PARD3B: variants seen among roughly 807,000 people sequenced by gnomAD.
PARD3B encodes partitioning defective 3 homolog B.
In PARD3B, 103 loss-of-function variants were observed where a neutral mutation model predicts 130.2. The observed-to-expected ratio is 0.79, with a 90% CI of 0.67 to 0.93. The LOEUF (loss-of-function observed/expected upper bound fraction) is 0.93. Ranked by LOEUF, PARD3B falls within the 40% of genes least tolerant of loss-of-function variation. The probability of loss-of-function intolerance (pLI) is 0.00; values close to 1 mark genes in which losing one functional copy is unlikely to be tolerated. For synonymous variants in PARD3B, 583 were observed against 553.2 expected (o/e 1.05, Z -0.76); for missense variants, 1,609 against 1,499.2 (o/e 1.07, Z -1.21).
At chr2:205,412,133 C>T (rs1230131997) in intron 19 of PARD3B, among the ~76,000 whole-genome samples, 4 of 152,158 alleles carry the variant, frequency 2.6e-5, no homozygotes, top group African/African-American at 9.7e-5. Context: ...AGCTACCTGC[C>T]TTTGCCCTGG....
chr2:205,173,844 T>C (rs2125754507), intron 12 of PARD3B, among the ~76,000 whole-genome samples: 1 of 152,316 alleles, frequency 6.6e-6, no homozygotes, highest in Non-Finnish European at 1.5e-5. Flanking sequence ...TTTAGGATAG[T>C]TCTTACTCTA....
intron 6 of PARD3B, 75 bp downstream of exon 6, chr2:205,113,652 T>C (rs1053631782): frequency 9.2e-6 from 10 of 1,089,232 alleles, no homozygotes; most frequent in Admixed American, 6.9e-5. Context: ...CAAATATTTT[T>C]CACAAGGAGA....
intron 2 of PARD3B, among the ~76,000 whole-genome samples, chr2:204,731,734 A>G (rs554408874): frequency 6.6e-6 from 1 of 152,334 alleles, no homozygotes; most frequent in East Asian, 1.9e-4. Flanking sequence ...TGTTTGGGTT[A>G]AAATTGAATA....
chr2:205,139,995 T>A (rs577742355), intron 10 of PARD3B, among the ~76,000 whole-genome samples: 3 of 152,352 alleles, frequency 2.0e-5, no homozygotes, highest in African/African-American at 7.2e-5. Context: ...TCTTACTTCC[T>A]TCACAAACCT....
chr2:205,424,615 G>A (rs368600487), intron 19 of PARD3B, among the ~76,000 whole-genome samples: 1 of 152,250 alleles, frequency 6.6e-6, no homozygotes, highest in African/African-American at 2.4e-5. Flanking sequence ...TGACAGAATG[G>A]AAAGAAAAGA....
chr2:205,095,767 CACAA>C (rs1298615757), intron 4 of PARD3B, among the ~76,000 whole-genome samples: 1 of 151,940 alleles, frequency 6.6e-6, no homozygotes, highest in African/African-American at 2.4e-5. Context: ...TAAAACCAAA[CACAA>C]ACAAAAAAAC....
chr2:205,092,128 G>C (rs1470670110), intron 4 of PARD3B, among the ~76,000 whole-genome samples: 1 of 152,126 alleles, frequency 6.6e-6, no homozygotes, highest in African/African-American at 2.4e-5. Context: ...TGTGGACATG[G>C]ATGTCACCCA....
Position 204,763,236 on chromosome 2 carries a change from C to T in PARD3B, c.222+76954C>T, listed in dbSNP as rs559777663. Among the ~76,000 whole-genome samples the T allele has an allele frequency of 3.3e-5, 5 of 152,322 alleles. No homozygotes were observed. In the South Asian group the frequency reaches 1.0e-3, roughly 32 times the overall value. On this transcript the variant is annotated intron_variant, in intron 2 of 22. Transcript: ENST00000406610. ...CGATGTTGACAGCACTGCTGTTGTT[C>T]TATCCACCTAAATCTGATTTAGCTA...
chr2:205,614,085 G>A (rs945944703), intron 22 of PARD3B, among the ~76,000 whole-genome samples: 2 of 152,200 alleles, frequency 1.3e-5, no homozygotes, highest in Non-Finnish European at 2.9e-5. Flanking sequence ...GGTGGTGAAT[G>A]TGTGCACAGA....
chr2:205,559,516 T>G (rs2053046542), intron 22 of PARD3B, among the ~76,000 whole-genome samples: 1 of 152,054 alleles, frequency 6.6e-6, no homozygotes, highest in Non-Finnish European at 1.5e-5. Context: ...TGACAGTTGG[T>G]TTTAGATTGC....
intron 2 of PARD3B, among the ~76,000 whole-genome samples, chr2:204,785,971 G>T (rs920152587): frequency 2.0e-5 from 3 of 151,974 alleles, no homozygotes; most frequent in African/African-American, 7.2e-5. Context: ...AAAAATAGCT[G>T]GGCGTAGGGG....
chr2:205,476,868 G>T lies in PARD3B; in HGVS notation c.3045-23028G>T, dbSNP rs976564708. On this transcript the variant is annotated intron_variant, in intron 20 of 22. Transcript: ENST00000406610. ...TCTTCATGTGTGTATGTGTATGCGT[G>T]TGTGTATATTTACAGCATTGACATT... Among the ~76,000 whole-genome samples the T allele has an allele frequency of 2.5e-4, 38 of 152,132 alleles. 1 individual carries two copies.
chr2:204,775,061 A>G (rs2041561242), intron 2 of PARD3B, among the ~76,000 whole-genome samples: 1 of 152,108 alleles, frequency 6.6e-6, no homozygotes, highest in African/African-American at 2.4e-5. Flanking sequence ...AATAGCTATT[A>G]CCCAAATGTC....
chr2:205,275,569 G>T (rs535463815), intron 16 of PARD3B, among the ~76,000 whole-genome samples: 1 of 152,026 alleles, frequency 6.6e-6, no homozygotes, highest in Admixed American at 6.6e-5. Context: ...GCAGGGTGTG[G>T]TGGCTCACAC....
chr2:205,152,219 A>T (rs2033806998), intron 10 of PARD3B, among the ~76,000 whole-genome samples: 1 of 152,114 alleles, frequency 6.6e-6, no homozygotes, highest in African/African-American at 2.4e-5. Context: ...ACCTTGGTGA[A>T]TCTGACAGTT....
At chr2:205,518,914 C>G (rs1039790358) in intron 21 of PARD3B, among the ~76,000 whole-genome samples, 10 of 152,162 alleles carry the variant, frequency 6.6e-5, no homozygotes, top group African/African-American at 2.4e-4. Flanking sequence ...TATAGGCTGC[C>G]AAACTCTTCT....
chr2:204,712,947 A>G (rs2038527917), intron 2 of PARD3B, among the ~76,000 whole-genome samples: 1 of 152,110 alleles, frequency 6.6e-6, no homozygotes, highest in Admixed American at 6.5e-5. Flanking sequence ...GTGTTATTGT[A>G]TGCATTCTTC....
chr2:204,609,384 G>A (rs766340165), intron 1 of PARD3B, among the ~76,000 whole-genome samples: 22 of 152,142 alleles, frequency 1.4e-4, no homozygotes, highest in Admixed American at 2.6e-4. Flanking sequence ...ATGGCCTGGG[G>A]AACAGTCTCA....
In PARD3B at chr2:205,461,710, C is replaced by A; in HGVS notation, c.3044+21038C>A. On this transcript the variant is annotated intron_variant, in intron 20 of 22. Coordinates refer to ENST00000406610, the MANE Select transcript of PARD3B (RefSeq NM_001302769.2). This position sits in a 1 kb window ranked among gnomAD's most constrained non-coding sequence, Gnocchi z 4.3. The stretch of plus-strand genomic sequence containing the variant: ...GGAGAACTTGTTAAACCACAGAAAC[C>A]TTGGACTGCACCCACAGAGTTTCTG... Among the ~76,000 whole-genome samples, 1 of 152,176 alleles carries A rather than the reference C, an allele frequency of 6.6e-6. No homozygotes were observed. Among genetic ancestry groups the A allele is most frequent in the East Asian group, 1.9e-4 (1 of 5,200 alleles).
Sources: gnomAD v4.1 joint callset for allele counts (sites outside exome capture counted in the v4.1 genomes callset) on GRCh38, gnomAD v4.1.1 for gene constraint, Gnocchi (gnomAD v3.1) non-coding constraint, MANE v1.5 for transcripts, NCBI Gene and HGNC (gene_info 2026-07-23, HGNC 2026-07-21) for gene names.